Variants in RGS22 observed in about 807,000 individuals in gnomAD.
RGS22 encodes regulator of G protein signaling 22, also known as regulator of G-protein signaling 22.
In RGS22, 148 loss-of-function variants were observed where a neutral mutation model predicts 172.9. The observed-to-expected ratio is 0.86, with a 90% confidence interval of 0.75 to 0.98. The LOEUF is 0.98. Ranked by LOEUF, RGS22 falls within the 50% of genes least tolerant of loss-of-function variation. RGS22 has a pLI of 0.00. For missense variants in RGS22, 1,347 were observed against 1,440.8 expected, an observed-to-expected ratio of 0.93 and a Z score of 1.05; for synonymous variants, 458 against 480.2, an observed-to-expected ratio of 0.95 and a Z score of 0.60.
chr8:100,021,402 T>C (rs984673434), intron 14 of RGS22, among the ~76,000 whole-genome samples: 6 of 152,218 alleles, frequency 3.9e-5, no homozygotes, highest in Admixed American at 1.3e-4. Context: ...GCTTCAAATA[T>C]TACATTTATC....
chr8:99,973,374 T>A (rs1588880362), intron 23 of RGS22, among the ~76,000 whole-genome samples: 1 of 152,080 alleles, frequency 6.6e-6, no homozygotes, highest in South Asian at 2.1e-4. Context: ...GGGACATGAA[T>A]GAAGCTGGAA....
chr8:100,008,652 A>G (rs1203135185), intron 14 of RGS22, 83 bp from the exon 15 acceptor site: 4 of 1,068,642 alleles, frequency 3.7e-6, no homozygotes, highest in Non-Finnish European at 5.3e-6. Context: ...GCATTTTTTA[A>G]AAACTAAGAG....
At chr8:99,988,915 C>A (rs1266829152) in intron 20 of RGS22, among the ~76,000 whole-genome samples, 1 of 152,094 alleles carries the variant, frequency 6.6e-6, no homozygotes, top group Non-Finnish European at 1.5e-5. Context: ...ATAGGAACAA[C>A]TATGTATTAG....
intron 4 of RGS22, among the ~76,000 whole-genome samples, chr8:100,078,010 G>A (rs1223474158): frequency 1.3e-5 from 2 of 152,086 alleles, no homozygotes; most frequent in East Asian, 3.9e-4. Flanking sequence ...GTTCTGAGGG[G>A]TGCTTTGCCA....
intron 3 of RGS22, among the ~76,000 whole-genome samples, chr8:100,089,572 T>C (rs933577705): frequency 6.6e-6 from 1 of 152,106 alleles, no homozygotes; most frequent in Non-Finnish European, 1.5e-5. Flanking sequence ...TAAGACTCCC[T>C]GAGTCTGGTT....
chr8:99,990,537 G>A lies in RGS22; in HGVS notation c.3019-2918C>T, dbSNP rs941780840. ...CTTGGCATGCAACGTGGGGGCTCTTGAAGAGATGTATCAGAATTCCACAAT... is the reference window on the plus strand; with the variant it reads ...CTTGGCATGCAACGTGGGGGCTCTTAAAGAGATGTATCAGAATTCCACAAT... On this transcript the variant is annotated intron_variant, in intron 20 of 27. Coordinates refer to ENST00000360863, the MANE Select transcript of RGS22 (RefSeq NM_015668.5). Among the ~76,000 whole-genome samples the A allele has an allele frequency of 6.6e-5, 10 of 152,182 alleles. No homozygotes were observed. In the South Asian group the frequency reaches 2.1e-3, roughly 32 times the overall value.
chr8:99,976,177 G>C (rs763650611), intron 23 of RGS22, among the ~76,000 whole-genome samples: 1 of 151,788 alleles, frequency 6.6e-6, no homozygotes, highest in Non-Finnish European at 1.5e-5. Flanking sequence ...GTGACACAGC[G>C]AGACTCCATC....
intron 26 of RGS22, 94 bp from the exon 27 acceptor site, chr8:99,962,537 C>T (rs1050344532): frequency 7.0e-5 from 102 of 1,455,932 alleles, no homozygotes; most frequent in Non-Finnish European, 9.2e-5. Context: ...CTCACACACA[C>T]GGAGAAATTC....
At chr8:100,045,070 A>C (rs1820571316) in intron 11 of RGS22, among the ~76,000 whole-genome samples, 2 of 151,830 alleles carry the variant, frequency 1.3e-5, no homozygotes, top group Non-Finnish European at 2.9e-5. Context: ...TGAGGCCAGG[A>C]GTTCAAGACC....
intron 20 of RGS22, among the ~76,000 whole-genome samples, chr8:99,988,543 G>C (rs1813352703): frequency 6.6e-6 from 1 of 152,088 alleles, no homozygotes; most frequent in South Asian, 2.1e-4. Context: ...TCATTCCAAA[G>C]ACAATGATTT....
chr8:100,071,108 C>A (rs1323137151), intron 6 of RGS22, among the ~76,000 whole-genome samples: 2 of 151,892 alleles, frequency 1.3e-5, no homozygotes, highest in Non-Finnish European at 2.9e-5. Flanking sequence ...CATGGTAATA[C>A]CCCGTCTCTA....
At chr8:99,982,533 AGT>A (rs1812656598) in intron 21 of RGS22, among the ~76,000 whole-genome samples, 1 of 152,194 alleles carries the variant, frequency 6.6e-6, no homozygotes, top group Non-Finnish European at 1.5e-5. Flanking sequence ...TATTTTGGAT[AGT>A]TAATAAATGT....
chr8:100,069,556 A>G (rs1444269767), intron 6 of RGS22, among the ~76,000 whole-genome samples: 1 of 152,230 alleles, frequency 6.6e-6, no homozygotes, highest in Non-Finnish European at 1.5e-5. Context: ...AATGTATTTG[A>G]TAACAACTAA....
At chr8:100,083,967 A>G (rs988392856) in intron 3 of RGS22, among the ~76,000 whole-genome samples, 8 of 150,406 alleles carry the variant, frequency 5.3e-5, no homozygotes, top group African/African-American at 2.0e-4. Flanking sequence ...CTCCTGCCTC[A>G]GCCTCCCAAG....
chr8:99,994,520 A>T (rs1189617405), intron 20 of RGS22, among the ~76,000 whole-genome samples: 7 of 152,178 alleles, frequency 4.6e-5, no homozygotes, highest in African/African-American at 1.7e-4. Flanking sequence ...CACAATTGCT[A>T]CACAGAGAAT....
At chr8:100,013,233 C>T (rs886077048) in intron 14 of RGS22, among the ~76,000 whole-genome samples, 6 of 152,092 alleles carry the variant, frequency 3.9e-5, no homozygotes, top group Admixed American at 6.5e-5. Flanking sequence ...TCGTGATCCG[C>T]CCGCCTCGGC....
At chr8:100,026,740 T>A (rs1286862369) in intron 14 of RGS22, among the ~76,000 whole-genome samples, 2 of 152,176 alleles carry the variant, frequency 1.3e-5, no homozygotes, top group African/African-American at 4.8e-5. Context: ...GTTGTTAATC[T>A]GAATAAAACA....
At chr8:100,059,559 T>C (rs1218225933) in intron 9 of RGS22, among the ~76,000 whole-genome samples, 1 of 151,574 alleles carries the variant, frequency 6.6e-6, no homozygotes, top group Non-Finnish European at 1.5e-5. Flanking sequence ...CACTATATAA[T>C]GATAAAGGGG....
chr8:100,104,914 T>C (rs1813802925), intron 2 of RGS22, among the ~76,000 whole-genome samples: 1 of 152,224 alleles, frequency 6.6e-6, no homozygotes, highest in Non-Finnish European at 1.5e-5. Context: ...AGGATATATT[T>C]AGCAAATACT....
Sources: allele counts gnomAD v4.1 joint callset (sites outside exome capture counted in the v4.1 genomes callset), GRCh38; gene constraint gnomAD v4.1.1; transcripts MANE v1.5; gene names NCBI Gene and HGNC (gene_info 2026-07-23, HGNC 2026-07-21).